The following DLG2 variants were observed in gnomAD, a reference collection of about 807,000 sequenced individuals.
DLG2 encodes the protein discs large MAGUK scaffold protein 2, also known as disks large homolog 2.
A neutral mutation model predicts 132.5 loss-of-function variants in DLG2; 45 were observed. That is an observed-to-expected ratio of 0.34 (90% confidence interval 0.27 to 0.44). The LOEUF (loss-of-function observed/expected upper bound fraction) is 0.44. DLG2 is among the 20% of genes least tolerant of loss of function. DLG2 has a pLI of 1.00. For synonymous variants in DLG2, 424 were observed against 419.6 expected (o/e 1.01, Z -0.13); for missense variants, 1,045 against 1,196.9 (o/e 0.87, Z 1.87).
chr11:83,715,498 C>T (rs138202463), intron 18 of DLG2, among the ~76,000 whole-genome samples: 2 of 152,162 alleles, frequency 1.3e-5, no homozygotes, highest in African/African-American at 2.4e-5. Flanking sequence ...GAGGCCTATA[C>T]CTGACATTTC....
chr11:84,647,722 TG>T (rs925871846), intron 6 of DLG2, among the ~76,000 whole-genome samples: 1 of 152,220 alleles, frequency 6.6e-6, no homozygotes, highest in Non-Finnish European at 1.5e-5. Context: ...GTGACACAGT[TG>T]GTTCAGTAAC....
chr11:85,572,914 A>T (rs988100789), intron 3 of DLG2, among the ~76,000 whole-genome samples: 2 of 152,206 alleles, frequency 1.3e-5, no homozygotes, highest in Non-Finnish European at 2.9e-5. Context: ...GTAGGGACTG[A>T]TGGAAGGTAT....
intron 6 of DLG2, among the ~76,000 whole-genome samples, chr11:84,923,873 T>C (rs1053813271): frequency 2.0e-5 from 3 of 152,174 alleles, no homozygotes; most frequent in Admixed American, 1.3e-4. Flanking sequence ...TATCTAAAGT[T>C]GCCAGACTCC....
At chr11:84,741,993 G>A (rs1408298520) in intron 6 of DLG2, among the ~76,000 whole-genome samples, 1 of 151,722 alleles carries the variant, frequency 6.6e-6, no homozygotes, top group Non-Finnish European at 1.5e-5. Context: ...AACCAAACAG[G>A]AATTCTATAA....
intron 7 of DLG2, among the ~76,000 whole-genome samples, chr11:84,289,371 T>C (rs990886329): frequency 2.0e-5 from 3 of 152,118 alleles, no homozygotes; most frequent in Admixed American, 2.0e-4. Context: ...TTGGCCTTCA[T>C]TGACCTATTT....
At chr11:84,487,909 G>A (rs961506503) in intron 7 of DLG2, among the ~76,000 whole-genome samples, 1 of 152,104 alleles carries the variant, frequency 6.6e-6, no homozygotes, top group African/African-American at 2.4e-5. Flanking sequence ...GAAGGAAAAA[G>A]CACCTAATGT....
chr11:83,797,851 A>G (rs2043253525), intron 17 of DLG2, among the ~76,000 whole-genome samples: 1 of 152,194 alleles, frequency 6.6e-6, no homozygotes, highest in Non-Finnish European at 1.5e-5. Context: ...ATAGCCTCTC[A>G]AGGATCTGGT....
intron 8 of DLG2, among the ~76,000 whole-genome samples, chr11:84,190,638 A>G (rs2096388739): frequency 1.3e-5 from 2 of 152,236 alleles, no homozygotes; most frequent in Non-Finnish European, 2.9e-5. Flanking sequence ...ATTGGCTAAT[A>G]TATACATTCA....
intron 6 of DLG2, chr11:84,763,398 T>C (rs907294500): frequency 4.6e-5 from 7 of 152,188 alleles, no homozygotes; most frequent in South Asian, 2.1e-4. Flanking sequence ...TTGAGTTTAA[T>C]CAGCTTCCAT....
At chr11:84,743,210 T>A (rs2064912627) in intron 6 of DLG2, among the ~76,000 whole-genome samples, 1 of 152,092 alleles carries the variant, frequency 6.6e-6, no homozygotes. Context: ...TACATTGACA[T>A]TGGTGTAAAG....
intron 15 of DLG2, among the ~76,000 whole-genome samples, chr11:83,914,052 T>G (rs768250245): frequency 6.6e-6 from 1 of 152,112 alleles, no homozygotes; most frequent in Non-Finnish European, 1.5e-5. Context: ...TAAAGATATA[T>G]GGATATGATG....
At chr11:84,469,975 T>A (rs2099104480) in intron 7 of DLG2, among the ~76,000 whole-genome samples, 1 of 151,718 alleles carries the variant, frequency 6.6e-6, no homozygotes, top group South Asian at 2.1e-4. Context: ...CTATTGTTTC[T>A]AGGCTGTAAA....
chr11:84,394,841 C>G (rs577669118), intron 7 of DLG2, among the ~76,000 whole-genome samples: 1 of 152,222 alleles, frequency 6.6e-6, no homozygotes, highest in East Asian at 1.9e-4. Context: ...AGGCTGGTCT[C>G]AAACTCCTGA....
intron 6 of DLG2, among the ~76,000 whole-genome samples, chr11:84,868,165 A>G (rs2084918986): frequency 6.9e-6 from 1 of 144,038 alleles, no homozygotes. Flanking sequence ...AATATATTAT[A>G]TTATTATTAT....
At chr11:84,208,182 A>T (rs1376799005) in intron 8 of DLG2, among the ~76,000 whole-genome samples, 2 of 152,038 alleles carry the variant, frequency 1.3e-5, no homozygotes, top group Non-Finnish European at 2.9e-5. Context: ...ATCTTGACTT[A>T]CAATTTTGTT....
At chr11:85,533,222 C>G (rs951713257) in intron 3 of DLG2, among the ~76,000 whole-genome samples, 2 of 151,998 alleles carry the variant, frequency 1.3e-5, no homozygotes, top group African/African-American at 4.8e-5. Flanking sequence ...TGGGGTTTCA[C>G]CATGTTGGCC....
At position 84,913,467 on chromosome 11, in the gene DLG2, T is replaced by G. The variant is rs544390076; in HGVS notation, c.357+198194A>C. The stretch of plus-strand genomic sequence containing the variant: ...GTAATGGTCCAAGAAAAACAATGCT[T>G]TCAGTCCCTGCTTACCTGTATTTAT... On this transcript the variant is annotated intron_variant, in intron 6 of 27. Transcript: ENST00000376104. Among the ~76,000 whole-genome samples the G allele has an allele frequency of 9.8e-5, 15 of 152,292 alleles. 1 individual carries two copies. The South Asian group carries it at 3.1e-3, about 32-fold the overall frequency.
chr11:84,871,802 A>T (rs930945777), intron 6 of DLG2, among the ~76,000 whole-genome samples: 4 of 151,896 alleles, frequency 2.6e-5, no homozygotes, highest in African/African-American at 4.8e-5. Context: ...GGCTCACTGC[A>T]ACTTCCGCCT....
At chr11:84,822,114 C>T (rs138445491) in intron 6 of DLG2, among the ~76,000 whole-genome samples, 1 of 151,864 alleles carries the variant, frequency 6.6e-6, no homozygotes, top group African/African-American at 2.4e-5. Context: ...AAAGATACGG[C>T]CCATAAGTGG....
Sources: gnomAD v4.1 joint callset for allele counts (sites outside exome capture counted in the v4.1 genomes callset) on GRCh38, gnomAD v4.1.1 for gene constraint, MANE v1.5 for transcripts, NCBI Gene and HGNC (gene_info 2026-07-23, HGNC 2026-07-21) for gene names.